The following TBC1D10A variants were observed in gnomAD, a reference collection of about 807,000 sequenced individuals.
TBC1D10A encodes EBP50-PDX interactor of 64 kDa.
A neutral mutation model predicts 52.9 loss-of-function variants in TBC1D10A; 24 were observed. The ratio of observed to expected loss-of-function variants is 0.45; its 90% CI spans 0.33 to 0.64. TBC1D10A has a LOEUF of 0.64. Ranked by LOEUF, TBC1D10A falls within the 30% of genes least tolerant of loss-of-function variation. The pLI is 0.02. For missense variants in TBC1D10A, 602 were observed against 687.9 expected (o/e 0.88, Z 1.40); for synonymous variants, 278 against 282.9 (o/e 0.98, Z 0.17).
chr22:30,306,939 A>T (rs1273476117), intron 1 of TBC1D10A, among the ~76,000 whole-genome samples: 1 of 152,234 alleles, frequency 6.6e-6, no homozygotes, highest in Non-Finnish European at 1.5e-5. Flanking sequence ...CAATTAACTC[A>T]GTCAGGATCT....
At chr22:30,325,878 A>G (rs1930758772) in intron 1 of TBC1D10A, among the ~76,000 whole-genome samples, 1 of 152,122 alleles carries the variant, frequency 6.6e-6, no homozygotes, top group Admixed American at 6.5e-5. Flanking sequence ...GAGCCCATCT[A>G]CTGGCTCCTG....
chr22:30,300,128 C>A (rs1474419909), intron 2 of TBC1D10A, among the ~76,000 whole-genome samples: 1 of 151,886 alleles, frequency 6.6e-6, no homozygotes, highest in East Asian at 1.9e-4. Flanking sequence ...GAATTCCAGA[C>A]CCTCATAACT....
At position 30,295,829 on chromosome 22, in the gene TBC1D10A, G is replaced by A. The variant is rs765017383; in HGVS notation, c.432C>T (p.Ser144=). 6 of 1,613,648 alleles carry A rather than the reference G, an allele frequency of 3.7e-6. No individual in the cohort carries two copies. The highest frequency in any genetic ancestry group is 4.2e-6 in the Non-Finnish European group (5 of 1,179,870). ...CGTCCAGCCACTTGGGGTCCCCAGG[G>A]GACATGTCCAGCTCCTAGAAGCAAG... ...NPGKFDELDM[S]PGDPKWLDVI... The change falls in exon 4 of 9, where the codon TCC becomes TCT. Residue 144 remains serine (S), a synonymous_variant. Coordinates refer to ENST00000215790, the MANE Select transcript of TBC1D10A (RefSeq NM_031937.3).
chr22:30,324,651 C>T (rs1930728701), intron 1 of TBC1D10A, among the ~76,000 whole-genome samples: 1 of 152,150 alleles, frequency 6.6e-6, no homozygotes, highest in Non-Finnish European at 1.5e-5. Context: ...TTTCTCAGAC[C>T]CTTAGAAGGA....
chr22:30,295,095 C>T (rs749944569), intron 4 of TBC1D10A, 40 bp from the exon 5 acceptor site: 9 of 1,600,782 alleles, frequency 5.6e-6, no homozygotes, highest in Non-Finnish European at 7.7e-6. Flanking sequence ...ACCGGGGTGA[C>T]TCTGCTACCC....
chr22:30,321,779 C>A (rs1930657350), intron 1 of TBC1D10A, among the ~76,000 whole-genome samples: 1 of 152,112 alleles, frequency 6.6e-6, no homozygotes, highest in Non-Finnish European at 1.5e-5. Flanking sequence ...TCAGGGACCA[C>A]CTCTCTCAGG....
At chr22:30,294,690 G>T in intron 6 of TBC1D10A, 106 bp downstream of exon 6, 1 of 1,471,988 alleles carries the variant, frequency 6.8e-7, no homozygotes, top group Non-Finnish European at 9.4e-7. Context: ...GGCAACAGAA[G>T]GCCGGAAAGT....
intron 1 of TBC1D10A, among the ~76,000 whole-genome samples, chr22:30,304,870 A>C (rs1930279928): frequency 6.6e-6 from 1 of 152,176 alleles, no homozygotes; most frequent in Admixed American, 6.5e-5. Flanking sequence ...CTACTTCCCT[A>C]ATGTGGCCAG....
rs1018678783 is a variant in TBC1D10A, at chr22:30,295,812, C to T, written c.449G>A (p.Trp150Ter). 13 of 1,613,880 alleles carry T rather than the reference C, an allele frequency of 8.1e-6. No homozygotes were observed. Reference protein sequence around the residue: ...ELDMSPGDPKWLDVIERDLHR... With the variant: ...ELDMSPGDPK ...CAGGTCACGCTCAATCACGTCCAGCCACTTGGGGTCCCCAGGGGACATGTC... is the reference window on the plus strand; with the variant it reads ...CAGGTCACGCTCAATCACGTCCAGCTACTTGGGGTCCCCAGGGGACATGTC... Residue 150 changes from tryptophan (W) to a stop codon, truncating the protein, a stop_gained, in exon 4 of 9, where the codon TGG (tryptophan) becomes TAG (stop). Transcript: ENST00000215790. LOFTEE classifies it high-confidence loss of function.
chr22:30,321,281 G>A (rs954687158), intron 1 of TBC1D10A, among the ~76,000 whole-genome samples: 1 of 152,148 alleles, frequency 6.6e-6, no homozygotes, highest in East Asian at 1.9e-4. Context: ...ACAGCCCAGG[G>A]CCCCATATGT....
At chr22:30,309,097 C>T (rs1930374864) in intron 1 of TBC1D10A, among the ~76,000 whole-genome samples, 1 of 152,202 alleles carries the variant, frequency 6.6e-6, no homozygotes, top group African/African-American at 2.4e-5. Flanking sequence ...CCACTGGAGA[C>T]AGTCTAACCC....
chr22:30,292,868 A>T lies in TBC1D10A; in HGVS notation c.1051-17T>A. The T allele has an allele frequency of 6.2e-7, 1 of 1,610,064 alleles. No homozygotes were observed. The highest frequency in any genetic ancestry group is 8.5e-7 in the Non-Finnish European group (1 of 1,179,530). ...CTCCACCACCTGCAGGGGCAGTGACACAGGCAAGTGGACACCAAGAAGAAG... is the reference window on the plus strand; with the variant it reads ...CTCCACCACCTGCAGGGGCAGTGACTCAGGCAAGTGGACACCAAGAAGAAG... On this transcript the variant is annotated splice_polypyrimidine_tract_variant and intron_variant, in intron 8 of 8. Coordinates refer to ENST00000215790, the MANE Select transcript of TBC1D10A (RefSeq NM_031937.3).
At chr22:30,321,623 T>G (rs570406377) in intron 1 of TBC1D10A, among the ~76,000 whole-genome samples, 1 of 152,184 alleles carries the variant, frequency 6.6e-6, no homozygotes, top group Non-Finnish European at 1.5e-5. Flanking sequence ...CTTGCTCCCA[T>G]AACAGGAAGC....
At chr22:30,295,174 G>A in intron 4 of TBC1D10A, 119 bp from the exon 5 acceptor site, 1 of 969,612 alleles carries the variant, frequency 1.0e-6, no homozygotes, top group Non-Finnish European at 1.6e-6. Flanking sequence ...GAGGGAAGGT[G>A]ATCTGCTTGT....
At chr22:30,317,633 G>A (rs536643102) in intron 1 of TBC1D10A, among the ~76,000 whole-genome samples, 5 of 152,184 alleles carry the variant, frequency 3.3e-5, no homozygotes, top group South Asian at 4.1e-4. Flanking sequence ...ATTTTTTTTA[G>A]AAATGGGGTC....
chr22:30,292,267 C>T lies in TBC1D10A; in HGVS notation c.*108G>A. 1 of 995,678 alleles carries T rather than the reference C, an allele frequency of 1.0e-6. No homozygotes were observed. The highest frequency in any genetic ancestry group is 1.5e-6 in the Non-Finnish European group (1 of 684,182). 61.7% of individuals were successfully genotyped at this position (995,678 alleles called of 1,614,324 possible). ...GGACCAGCCAGACTCCAGCCCAGCCCAGTGGCCAGGCAGCTTGGCCCTCAG... is the reference window on the plus strand; with the variant it reads ...GGACCAGCCAGACTCCAGCCCAGCCTAGTGGCCAGGCAGCTTGGCCCTCAG... On this transcript the variant is annotated 3_prime_UTR_variant, in exon 9 of 9. Coordinates refer to ENST00000215790, the MANE Select transcript of TBC1D10A (RefSeq NM_031937.3).
intron 1 of TBC1D10A, among the ~76,000 whole-genome samples, chr22:30,321,693 C>A (rs750436984): frequency 3.3e-5 from 5 of 152,134 alleles, no homozygotes; most frequent in Non-Finnish European, 7.4e-5. Context: ...GCAGACTGGG[C>A]GGACTGAGGC....
At chr22:30,303,223 G>T (rs552393564) in intron 2 of TBC1D10A, among the ~76,000 whole-genome samples, 2 of 152,284 alleles carry the variant, frequency 1.3e-5, no homozygotes, top group East Asian at 3.9e-4. Context: ...AGGCTGCAGT[G>T]AGCCAAGATC....
rs368069405 is a variant in TBC1D10A, at chr22:30,295,068, C to T, written c.525-13G>A. ...TAGGTCCTGCTGGCTGTGGAGAGGC[C>T]GGGCAGAGCAGTGATGACCGGGGTG... is the stretch of plus-strand genomic sequence containing the variant. On this transcript the variant is annotated splice_polypyrimidine_tract_variant and intron_variant, in intron 4 of 8. Coordinates refer to ENST00000215790, the MANE Select transcript of TBC1D10A (RefSeq NM_031937.3). The T allele has an allele frequency of 2.5e-6, 4 of 1,612,808 alleles. No individual in the cohort carries two copies. Among genetic ancestry groups the T allele is most frequent in the South Asian group, 1.1e-5 (1 of 91,072 alleles).
Sources: gnomAD v4.1 joint callset for allele counts (sites outside exome capture counted in the v4.1 genomes callset) on GRCh38, gnomAD v4.1.1 for gene constraint, MANE v1.5 for transcripts, NCBI Gene and HGNC (gene_info 2026-07-23, HGNC 2026-07-21) for gene names.